Variants in LIMCH1 observed in about 807,000 individuals in gnomAD.
The protein encoded by LIMCH1 is LIM and calponin homology domains-containing protein 1.
Under a neutral mutation model 176.5 loss-of-function variants are expected in LIMCH1, and 113 were observed. The observed-to-expected ratio is 0.64, with a 90% CI of 0.55 to 0.75. The LOEUF (loss-of-function observed/expected upper bound fraction) is 0.75. LIMCH1 is among the 30% of genes least tolerant of loss of function. LIMCH1 has a pLI of 0.00. For synonymous variants in LIMCH1, 619 were observed against 645.9 expected (o/e 0.96, Z 0.63); for missense variants, 1,674 against 1,814.9 (o/e 0.92, Z 1.41).
intron 1 of LIMCH1, among the ~76,000 whole-genome samples, chr4:41,469,438 C>T (rs995449815): frequency 6.6e-6 from 1 of 151,792 alleles, no homozygotes; most frequent in Non-Finnish European, 1.5e-5. Context: ...ATCAATGACT[C>T]CCCTGTACTT....
intron 2 of LIMCH1, among the ~76,000 whole-genome samples, chr4:41,600,858 G>A (rs2089793937): frequency 6.6e-6 from 1 of 152,086 alleles, no homozygotes; most frequent in Non-Finnish European, 1.5e-5. Context: ...ATGTCACGTA[G>A]GCAAGTGACA....
chr4:41,378,865 CT>C (rs1235367981), intron 1 of LIMCH1, among the ~76,000 whole-genome samples: 2 of 152,020 alleles, frequency 1.3e-5, no homozygotes, highest in African/African-American at 4.8e-5. Flanking sequence ...ATTAGAAGGC[CT>C]TGACGAAGGG....
At chr4:41,367,866 TAAAAAAAA>T (rs750045066) in intron 1 of LIMCH1, among the ~76,000 whole-genome samples, 26 of 90,952 alleles carry the variant, frequency 2.9e-4, no homozygotes, top group Non-Finnish European at 4.4e-4. Context: ...GACTCCATCA[TAAAAAAAA>T]AAAAAAAAAA....
At chr4:41,540,647 G>T (rs2078512931) in intron 1 of LIMCH1, among the ~76,000 whole-genome samples, 1 of 152,144 alleles carries the variant, frequency 6.6e-6, no homozygotes, top group African/African-American at 2.4e-5. Context: ...GCTGAGGCAG[G>T]AGAATCGCTT....
chr4:41,651,475 C>A (rs750040307), intron 18 of LIMCH1, among the ~76,000 whole-genome samples: 4 of 152,174 alleles, frequency 2.6e-5, no homozygotes, highest in Non-Finnish European at 5.9e-5. Flanking sequence ...CACAATTCAA[C>A]CTGTATCATT....
chr4:41,561,024 C>A (rs1025303972), intron 1 of LIMCH1, among the ~76,000 whole-genome samples: 1 of 152,046 alleles, frequency 6.6e-6, no homozygotes, highest in Non-Finnish European at 1.5e-5. Flanking sequence ...CTCAAAAAAA[C>A]AAACAAACCA....
chr4:41,395,333 A>G (rs1463571615), intron 1 of LIMCH1, among the ~76,000 whole-genome samples: 2 of 151,248 alleles, frequency 1.3e-5, no homozygotes, highest in African/African-American at 4.9e-5. Flanking sequence ...CCCGGGTTCA[A>G]GCAGTTCTCC....
chr4:41,454,343 TAAAG>T (rs1336108470), intron 1 of LIMCH1, among the ~76,000 whole-genome samples: 1 of 152,188 alleles, frequency 6.6e-6, no homozygotes, highest in African/African-American at 2.4e-5. Context: ...CATTAGTTGG[TAAAG>T]AAATTGTTTA....
intron 13 of LIMCH1, among the ~76,000 whole-genome samples, chr4:41,635,829 T>C (rs892524188): frequency 2.6e-5 from 4 of 152,220 alleles, no homozygotes. Flanking sequence ...TGAAATGCTT[T>C]ATTAGTAGTG....
In LIMCH1 at chr4:41,524,415, G is replaced by A. The variant is rs1490124795; in HGVS notation, c.174G>A (p.Leu58=). Residue 58 remains leucine, a synonymous_variant, in exon 3 of 27, where the codon CTG becomes CTA. Coordinates refer to the LIMCH1 transcript ENST00000313860. ...TCTGCCTTTTTCATGACAGGTTGCT[G>A]AATGCTATAAAGCCAGGACTTGTTA... The A allele has an allele frequency of 1.9e-6, 3 of 1,613,570 alleles. No homozygotes were observed. The East Asian group carries it at 6.7e-5, about 36-fold the overall frequency.
At chr4:41,419,869 A>G (rs1247978781) in intron 1 of LIMCH1, among the ~76,000 whole-genome samples, 2 of 149,858 alleles carry the variant, frequency 1.3e-5, no homozygotes, top group Admixed American at 6.6e-5. Flanking sequence ...TCTGACAGGT[A>G]TTATTATCAG....
intron 18 of LIMCH1, among the ~76,000 whole-genome samples, chr4:41,659,773 C>T (rs1207618966): frequency 1.3e-5 from 2 of 152,096 alleles, no homozygotes; most frequent in East Asian, 1.9e-4. Flanking sequence ...TAGTCATTAA[C>T]TTGCTCTCTT....
At chr4:41,383,684 T>A (rs2056055302) in intron 1 of LIMCH1, among the ~76,000 whole-genome samples, 1 of 152,182 alleles carries the variant, frequency 6.6e-6, no homozygotes, top group South Asian at 2.1e-4. Context: ...TTAATTACTA[T>A]GACCAGAGTG....
chr4:41,685,581 A>G (rs1460112953), intron 27 of LIMCH1, 129 bp from the exon 28 acceptor site: 8 of 1,063,122 alleles, frequency 7.5e-6, no homozygotes, highest in African/African-American at 1.6e-5. Context: ...TCTAACCACC[A>G]TGTGCCCATG....
Position 41,592,543 on chromosome 4 carries a change from A to G in LIMCH1, c.-240-6377A>G, listed in dbSNP as rs1307108908. On this transcript the variant is annotated intron_variant, in intron 1 of 31. Coordinates refer to ENST00000503057, the MANE Select transcript of LIMCH1 (RefSeq NM_001330672.2). ...GTGCCTGTTTTTCATAAATGGATAAACTGTTCTTCATCATCGCATCTTCCA... is the reference window on the plus strand; with the variant it reads ...GTGCCTGTTTTTCATAAATGGATAAGCTGTTCTTCATCATCGCATCTTCCA... Among the ~76,000 whole-genome samples the G allele has an allele frequency of 2.0e-5, 3 of 152,132 alleles. No homozygotes were observed. The East Asian group carries it at 5.8e-4, about 29-fold the overall frequency.
chr4:41,472,980 C>T, intron 1 of LIMCH1: 1 of 778,508 alleles, frequency 1.3e-6, no homozygotes, highest in Non-Finnish European at 1.6e-6. Flanking sequence ...TGCTGTAAGC[C>T]TTTTTTTTTT....
intron 1 of LIMCH1, among the ~76,000 whole-genome samples, chr4:41,456,763 A>G (rs1490598754): frequency 6.6e-6 from 1 of 152,050 alleles, no homozygotes; most frequent in African/African-American, 2.4e-5. Flanking sequence ...TGTTCCACTC[A>G]CTGTCAGCTG....
intron 1 of LIMCH1, among the ~76,000 whole-genome samples, chr4:41,394,000 T>C (rs1433324754): frequency 6.6e-6 from 1 of 152,202 alleles, no homozygotes; most frequent in African/African-American, 2.4e-5. Context: ...TCCTTGTGTC[T>C]GAAGTATCTG....
At chr4:41,487,720 G>A (rs2069912455) in intron 1 of LIMCH1, among the ~76,000 whole-genome samples, 1 of 138,474 alleles carries the variant, frequency 7.2e-6, no homozygotes, top group Admixed American at 7.6e-5. Context: ...GTGCAGTGGT[G>A]TGATCTCGGC....
Sources: gnomAD v4.1 joint callset for allele counts (sites outside exome capture counted in the v4.1 genomes callset) on GRCh38, gnomAD v4.1.1 for gene constraint, MANE v1.5 for transcripts, NCBI Gene and HGNC (gene_info 2026-07-23, HGNC 2026-07-21) for gene names.